Variants in ST3GAL1 observed in about 807,000 individuals in gnomAD.
ST3GAL1 encodes ST3 beta-galactoside alpha-2,3-sialyltransferase 1, also known as CMP-N-acetylneuraminate-beta-galactosamide-alpha-2,3-sialyltransferase 1.
A neutral mutation model predicts 34.1 loss-of-function variants in ST3GAL1; 16 were observed. That is an observed-to-expected ratio of 0.47 (90% CI 0.32 to 0.71). The LOEUF is 0.71. Ranked by LOEUF, ST3GAL1 falls within the 30% of genes least tolerant of loss-of-function variation. The pLI, the probability that ST3GAL1 is intolerant of heterozygous loss-of-function variation, is 0.04. For synonymous variants in ST3GAL1, 191 were observed against 184.7 expected, an observed-to-expected ratio of 1.03 and a Z score of -0.28; for missense variants, 353 against 447.4, an observed-to-expected ratio of 0.79 and a Z score of 1.90.
Position 133,540,712 on chromosome 8 carries a change from C to T in ST3GAL1, c.-429+5062G>A, listed in dbSNP as rs577456906. 4.4e-3 allele frequency among the ~76,000 whole-genome samples: 468 copies of T among 105,996 alleles called. 17 individuals are homozygous for T. The highest frequency in any genetic ancestry group is 0.016 in the African/African-American group (403 of 25,060). 69.5% of individuals were successfully genotyped at this position (105,996 alleles called of 152,430 possible). A position where few individuals can be genotyped will look rare whatever the true frequency, so the allele number is the denominator to read the frequency against. On this transcript the variant is annotated intron_variant, in intron 2 of 9. Coordinates refer to ENST00000522652, the MANE Select transcript of ST3GAL1 (RefSeq NM_173344.3). ...CCCACACCATATATATATATACAGA[C>T]ATATATATATATAGACATATATATA...
intron 1 of ST3GAL1, among the ~76,000 whole-genome samples, chr8:133,558,389 T>A (rs1373052530): frequency 2.6e-5 from 4 of 152,214 alleles, no homozygotes; most frequent in African/African-American, 9.7e-5. Context: ...ACAGAGAGGT[T>A]CAGCAACTTG....
intron 3 of ST3GAL1, among the ~76,000 whole-genome samples, chr8:133,486,779 C>T (rs1816620880): frequency 6.6e-6 from 1 of 152,214 alleles, no homozygotes; most frequent in Non-Finnish European, 1.5e-5. Flanking sequence ...CCACCCCCAA[C>T]CCCAGGGACA....
intron 3 of ST3GAL1, among the ~76,000 whole-genome samples, chr8:133,479,712 G>A (rs1393099439): frequency 6.6e-6 from 1 of 152,150 alleles, no homozygotes; most frequent in Non-Finnish European, 1.5e-5. Context: ...GGGCAAGGTT[G>A]TGCTGCACAG....
chr8:133,478,743 G>A (rs760501044), intron 3 of ST3GAL1, among the ~76,000 whole-genome samples: 2 of 152,124 alleles, frequency 1.3e-5, no homozygotes, highest in Non-Finnish European at 2.9e-5. Context: ...GTGAGTTAGG[G>A]GCCTCTCCTG....
At chr8:133,476,767 C>T (rs924931425) in intron 3 of ST3GAL1, among the ~76,000 whole-genome samples, 167 bp from the exon 4 acceptor site, 11 of 152,228 alleles carry the variant, frequency 7.2e-5, no homozygotes, top group African/African-American at 1.9e-4. Context: ...AGCCTGAGTG[C>T]GTGCATACAA....
At chr8:133,544,435 TTC>T (rs746465275) in intron 2 of ST3GAL1, among the ~76,000 whole-genome samples, 10 of 152,248 alleles carry the variant, frequency 6.6e-5, no homozygotes, top group Non-Finnish European at 1.3e-4. Context: ...GTTCAACATG[TTC>T]TTTCAAAGTA....
intron 2 of ST3GAL1, among the ~76,000 whole-genome samples, chr8:133,536,383 G>A (rs1818311708): frequency 6.6e-6 from 1 of 152,314 alleles, no homozygotes; most frequent in African/African-American, 2.4e-5. Flanking sequence ...GCTTATAGCT[G>A]GGCATGACTA....
At chr8:133,504,493 A>G (rs1817276674) in intron 2 of ST3GAL1, among the ~76,000 whole-genome samples, 1 of 152,232 alleles carries the variant, frequency 6.6e-6, no homozygotes, top group African/African-American at 2.4e-5. Flanking sequence ...CCTGGAACTG[A>G]AAGTGGGTAG....
At chr8:133,537,905 T>C (rs1205487003) in intron 2 of ST3GAL1, among the ~76,000 whole-genome samples, 2 of 152,066 alleles carry the variant, frequency 1.3e-5, no homozygotes, top group Non-Finnish European at 2.9e-5. Flanking sequence ...TTCTAGAAGA[T>C]GGTAATGATG....
intron 2 of ST3GAL1, among the ~76,000 whole-genome samples, chr8:133,500,694 G>A (rs1817122342): frequency 6.6e-6 from 1 of 152,056 alleles, no homozygotes; most frequent in Non-Finnish European, 1.5e-5. Flanking sequence ...CCACCTCCTA[G>A]GGTTGCCAAG....
At chr8:133,544,814 GGAGA>G (rs1818632320) in intron 2 of ST3GAL1, among the ~76,000 whole-genome samples, 1 of 152,178 alleles carries the variant, frequency 6.6e-6, no homozygotes, top group Non-Finnish European at 1.5e-5. Flanking sequence ...TATACTAGAG[GGAGA>G]GAGTGAGACA....
Position 133,459,834 on chromosome 8 carries a change from G to A in ST3GAL1, c.953C>T (p.Ala318Val). ...GAFRKTGVHD[A>V]DFESNVTATL... ...GGCCGTCACGTTAGACTCAAAGTCT[G>A]CATCGTGCACCCCCGTCTTGCGAAA... Residue 318 changes from alanine to valine, a missense_variant, in exon 10 of 10, where the codon GCA becomes GTA. By Grantham distance (64) the Ala-to-Val change is moderately conservative. Coordinates refer to ENST00000522652, the MANE Select transcript of ST3GAL1 (RefSeq NM_173344.3). The surrounding 1 kb of genome is among the most constrained non-coding windows in gnomAD (Gnocchi z 4.7). 1.2e-6 allele frequency: 2 copies of A among 1,614,112 alleles called. No homozygotes were observed. The highest frequency in any genetic ancestry group is 1.7e-6 in the Non-Finnish European group (2 of 1,180,004).
At chr8:133,532,141 GTTGT>G (rs1818175298) in intron 2 of ST3GAL1, among the ~76,000 whole-genome samples, 2 of 152,240 alleles carry the variant, frequency 1.3e-5, no homozygotes, top group Admixed American at 6.5e-5. Context: ...TGTTGTTGTT[GTTGT>G]TTGTTTGGGT....
intron 1 of ST3GAL1, among the ~76,000 whole-genome samples, chr8:133,562,328 G>C (rs1819250311): frequency 6.6e-6 from 1 of 151,358 alleles, no homozygotes; most frequent in Middle Eastern, 3.4e-3. Context: ...TCCTACCTCA[G>C]CCTCCCGAGT....
At chr8:133,557,852 C>CTGAGA (rs1210328816) in intron 1 of ST3GAL1, among the ~76,000 whole-genome samples, 1 of 146,934 alleles carries the variant, frequency 6.8e-6, no homozygotes, top group Non-Finnish European at 1.5e-5. Context: ...TTGCAGTGAG[C>CTGAGA]TGAGATCATG....
Position 133,457,650 on chromosome 8 carries a change from C to G in ST3GAL1, c.*2114G>C, listed in dbSNP as rs1357919054. On this transcript the variant is annotated 3_prime_UTR_variant, in exon 10 of 10. Coordinates refer to ENST00000522652, the MANE Select transcript of ST3GAL1 (RefSeq NM_173344.3). ...CGGTTTGTTTAACACATTCCCCATTCTGAACCTTTGAGAATCTAATAAAAG... is the reference window on the plus strand; with the variant it reads ...CGGTTTGTTTAACACATTCCCCATTGTGAACCTTTGAGAATCTAATAAAAG... The G allele has an allele frequency of 2.0e-5, 3 of 152,216 alleles. No individual in the cohort carries two copies. Among genetic ancestry groups the G allele is most frequent in the Non-Finnish European group, 2.9e-5 (2 of 68,044 alleles). The allele number at this position is 152,216 out of a possible 1,614,324, so 9.4% of individuals were successfully genotyped here.
intron 2 of ST3GAL1, among the ~76,000 whole-genome samples, chr8:133,511,918 T>C (rs2131012687): frequency 6.6e-6 from 1 of 152,254 alleles, no homozygotes; most frequent in East Asian, 1.9e-4. Context: ...CTGGGCATGG[T>C]GGCATGCACC....
At chr8:133,464,262 A>G (rs1586584022) in intron 7 of ST3GAL1, among the ~76,000 whole-genome samples, 1 of 152,148 alleles carries the variant, frequency 6.6e-6, no homozygotes, top group Admixed American at 6.5e-5. Flanking sequence ...GCCGAGTGCC[A>G]CGTGCGGTGT....
chr8:133,521,629 G>C (rs1031425518), intron 2 of ST3GAL1, among the ~76,000 whole-genome samples: 1 of 152,146 alleles, frequency 6.6e-6, no homozygotes, highest in Admixed American at 6.6e-5. Flanking sequence ...AAAATGTAGA[G>C]AGCTCCTCCT....
Sources: allele counts gnomAD v4.1 joint callset (sites outside exome capture counted in the v4.1 genomes callset), GRCh38; gene constraint gnomAD v4.1.1; non-coding constraint Gnocchi (gnomAD v3.1); transcripts MANE v1.5; gene names NCBI Gene and HGNC (gene_info 2026-07-23, HGNC 2026-07-21).